EPHA6: variants seen among roughly 807,000 people sequenced by gnomAD.
EPHA6 encodes the protein ephrin type-A receptor 6.
In EPHA6, 50 loss-of-function variants were observed where a neutral mutation model predicts 112.0. That is an observed-to-expected ratio of 0.45 (90% confidence interval 0.36 to 0.56). The LOEUF is 0.56. Ranked by LOEUF, EPHA6 falls within the 20% of genes least tolerant of loss-of-function variation. The probability of loss-of-function intolerance (pLI) is 0.00; values close to 1 mark genes in which losing one functional copy is unlikely to be tolerated. For missense variants in EPHA6, 1,280 were observed against 1,417.4 expected (o/e 0.90, Z 1.56); for synonymous variants, 529 against 490.7 (o/e 1.08, Z -1.03).
chr3:97,283,410 A>G (rs2080354975), intron 5 of EPHA6, among the ~76,000 whole-genome samples: 2 of 152,118 alleles, frequency 1.3e-5, no homozygotes, highest in African/African-American at 2.4e-5. Flanking sequence ...GTTCTTTTAT[A>G]TATTTTTTGA....
intron 2 of EPHA6, among the ~76,000 whole-genome samples, chr3:96,948,687 C>G (rs2041393112): frequency 6.6e-6 from 1 of 152,126 alleles, no homozygotes; most frequent in Non-Finnish European, 1.5e-5. Flanking sequence ...GCTCAAGACT[C>G]AAGAAATTTG....
At chr3:97,550,503 G>C (rs1445257004) in intron 11 of EPHA6, among the ~76,000 whole-genome samples, 3 of 152,148 alleles carry the variant, frequency 2.0e-5, no homozygotes, top group Non-Finnish European at 4.4e-5. Context: ...ATGAATCAAG[G>C]AGTTAATAGC....
At chr3:96,888,844 G>A (rs567100528) in intron 2 of EPHA6, among the ~76,000 whole-genome samples, 1 of 152,282 alleles carries the variant, frequency 6.6e-6, no homozygotes, top group East Asian at 1.9e-4. Context: ...TTTCTCCTCA[G>A]AAAACAGGAT....
intron 14 of EPHA6, among the ~76,000 whole-genome samples, chr3:97,697,919 G>A (rs980465803): frequency 3.3e-5 from 5 of 152,196 alleles, no homozygotes; most frequent in African/African-American, 1.2e-4. Flanking sequence ...TTATTGGCAT[G>A]TTAAGAGAAG....
At chr3:97,591,017 C>T (rs973495941) in intron 11 of EPHA6, among the ~76,000 whole-genome samples, 106 of 152,306 alleles carry the variant, frequency 7.0e-4, no homozygotes, top group African/African-American at 2.5e-3. Flanking sequence ...TAAGTTACCT[C>T]GGAGTACTTT....
intron 1 of EPHA6, among the ~76,000 whole-genome samples, chr3:96,841,673 A>G (rs911928313): frequency 6.6e-6 from 1 of 152,050 alleles, no homozygotes; most frequent in Non-Finnish European, 1.5e-5. Flanking sequence ...ACGGAGATAC[A>G]GTTTGAGAGA....
At chr3:96,844,420 T>C (rs1437135614) in intron 1 of EPHA6, among the ~76,000 whole-genome samples, 1 of 152,030 alleles carries the variant, frequency 6.6e-6, no homozygotes, top group Non-Finnish European at 1.5e-5. Flanking sequence ...GTTAGTCACA[T>C]TTAAAATAAA....
At chr3:97,632,370 T>A (rs1203375080) in intron 13 of EPHA6, among the ~76,000 whole-genome samples, 1 of 152,030 alleles carries the variant, frequency 6.6e-6, no homozygotes, top group Non-Finnish European at 1.5e-5. Flanking sequence ...CTCGAGATCA[T>A]GTTCAATCCA....
At chr3:97,077,739 C>G (rs1008864372) in intron 3 of EPHA6, among the ~76,000 whole-genome samples, 1 of 152,142 alleles carries the variant, frequency 6.6e-6, no homozygotes, top group African/African-American at 2.4e-5. Context: ...TTTTTTATGG[C>G]TGCATGGTAT....
At chr3:97,535,845 T>C (rs1392050177) in intron 11 of EPHA6, among the ~76,000 whole-genome samples, 1 of 148,816 alleles carries the variant, frequency 6.7e-6, no homozygotes, top group Non-Finnish European at 1.5e-5. Flanking sequence ...TTAATATGCA[T>C]TTTTTTTTAT....
intron 2 of EPHA6, among the ~76,000 whole-genome samples, chr3:96,923,553 G>C (rs2039883207): frequency 6.6e-6 from 1 of 151,972 alleles, no homozygotes; most frequent in Admixed American, 6.6e-5. Context: ...CAGATGGATA[G>C]ATTGTGAAAT....
At chr3:96,909,763 G>T (rs2039122864) in intron 2 of EPHA6, among the ~76,000 whole-genome samples, 2 of 151,946 alleles carry the variant, frequency 1.3e-5, no homozygotes, top group Admixed American at 1.3e-4. Flanking sequence ...GACATATTAA[G>T]TGAGCAAGTG....
chr3:97,017,603 C>A (rs2044307707), intron 3 of EPHA6, among the ~76,000 whole-genome samples: 1 of 151,886 alleles, frequency 6.6e-6, no homozygotes, highest in Non-Finnish European at 1.5e-5. Flanking sequence ...ACTTATGGGG[C>A]AAGTGACCTA....
chr3:97,578,678 T>A (rs565987472), intron 11 of EPHA6, among the ~76,000 whole-genome samples: 151 of 152,312 alleles, frequency 9.9e-4, no homozygotes, highest in African/African-American at 3.4e-3. Context: ...CCATGTACTT[T>A]GGGGGCTGAT....
chr3:97,737,379 G>C (rs1321962425), intron 16 of EPHA6, among the ~76,000 whole-genome samples: 1 of 151,984 alleles, frequency 6.6e-6, no homozygotes, highest in East Asian at 1.9e-4. Flanking sequence ...AAAGATCAGG[G>C]CTTGACTTCT....
At chr3:97,322,854 T>G (rs1224597108) in intron 5 of EPHA6, among the ~76,000 whole-genome samples, 1 of 152,024 alleles carries the variant, frequency 6.6e-6, no homozygotes, top group African/African-American at 2.4e-5. Context: ...GGAACAATCC[T>G]CCTAACGAGA....
At chr3:96,844,316 G>GTT (rs1257126569) in intron 1 of EPHA6, among the ~76,000 whole-genome samples, 2 of 151,876 alleles carry the variant, frequency 1.3e-5, no homozygotes, top group Non-Finnish European at 2.9e-5. Flanking sequence ...AGTGATTGTG[G>GTT]TTTTCCCTGT....
intron 14 of EPHA6, among the ~76,000 whole-genome samples, chr3:97,697,993 A>C (rs1186102887): frequency 6.6e-6 from 1 of 152,096 alleles, no homozygotes; most frequent in Non-Finnish European, 1.5e-5. Flanking sequence ...TAGCCAATGC[A>C]TGTTTTTTGT....
intron 11 of EPHA6, among the ~76,000 whole-genome samples, chr3:97,555,183 T>C (rs1270420845): frequency 2.0e-5 from 3 of 151,848 alleles, no homozygotes; most frequent in Non-Finnish European, 4.4e-5. Flanking sequence ...ATGCGGTGTT[T>C]GGTTTTTTGT....
Sources: allele counts gnomAD v4.1 joint callset (sites outside exome capture counted in the v4.1 genomes callset), GRCh38; gene constraint gnomAD v4.1.1; transcripts MANE v1.5; gene names NCBI Gene and HGNC (gene_info 2026-07-23, HGNC 2026-07-21).